The following MMP16 variants were observed in gnomAD, a reference collection of about 807,000 sequenced individuals.
MMP16 encodes the protein matrix metallopeptidase 16.
In MMP16, 12 loss-of-function variants were observed where a neutral mutation model predicts 67.8. That is an observed-to-expected ratio of 0.18 (90% CI 0.11 to 0.29). MMP16 has a LOEUF of 0.29. Among genes scored for constraint, MMP16 ranks in the 10% least tolerant of loss-of-function variants. The probability of loss-of-function intolerance (pLI) is 1.00; values close to 1 mark genes in which losing one functional copy is unlikely to be tolerated. For synonymous variants in MMP16, 249 were observed against 255.9 expected (o/e 0.97, Z 0.26); for missense variants, 475 against 765.7 (o/e 0.62, Z 4.48).
At chr8:88,049,153 A>G (rs1373998203) in intron 8 of MMP16, among the ~76,000 whole-genome samples, 1 of 152,224 alleles carries the variant, frequency 6.6e-6, no homozygotes, top group Non-Finnish European at 1.5e-5. Context: ...TCTGACGAAC[A>G]GATCAGAAAT....
At chr8:88,279,757 AG>A (rs1810703381) in intron 1 of MMP16, among the ~76,000 whole-genome samples, 1 of 152,176 alleles carries the variant, frequency 6.6e-6, no homozygotes, top group African/African-American at 2.4e-5. Flanking sequence ...TTAGTATTAG[AG>A]GACATTCAAC....
chr8:88,128,276 CTT>C (rs1441596491), intron 4 of MMP16, among the ~76,000 whole-genome samples: 1 of 151,732 alleles, frequency 6.6e-6, no homozygotes, highest in Non-Finnish European at 1.5e-5. Context: ...ACACCAGAAA[CTT>C]TTTTTATTTT....
At chr8:88,276,170 C>T (rs1251619756) in intron 1 of MMP16, among the ~76,000 whole-genome samples, 2 of 151,902 alleles carry the variant, frequency 1.3e-5, no homozygotes, top group Non-Finnish European at 2.9e-5. Context: ...GAAAATGAAG[C>T]CATGATGAGT....
chr8:88,205,783 C>T (rs932331438), intron 1 of MMP16, among the ~76,000 whole-genome samples: 13 of 152,148 alleles, frequency 8.5e-5, no homozygotes, highest in Non-Finnish European at 1.8e-4. Context: ...ACAATCTATG[C>T]ACCTATGACA....
chr8:88,107,541 T>C (rs180772563), intron 6 of MMP16, among the ~76,000 whole-genome samples: 123 of 151,276 alleles, frequency 8.1e-4, no homozygotes, highest in African/African-American at 2.9e-3. Flanking sequence ...AGTAGTGGAA[T>C]CAGACTGAAT....
At chr8:88,084,892 C>T (rs1299205870) in intron 6 of MMP16, among the ~76,000 whole-genome samples, 1 of 151,678 alleles carries the variant, frequency 6.6e-6, no homozygotes, top group Non-Finnish European at 1.5e-5. Context: ...TTTATTAAAC[C>T]TCCATTGACT....
At chr8:88,183,715 T>TTTA (rs1809020803) in intron 3 of MMP16, among the ~76,000 whole-genome samples, 1 of 133,950 alleles carries the variant, frequency 7.5e-6, no homozygotes, top group Admixed American at 7.4e-5. Flanking sequence ...TGTCCTTCTT[T>TTTA]TTTTTTTTTT....
chr8:88,228,288 G>A (rs1023788317), intron 1 of MMP16, among the ~76,000 whole-genome samples: 1 of 151,976 alleles, frequency 6.6e-6, no homozygotes, highest in Non-Finnish European at 1.5e-5. Flanking sequence ...AATAATATGA[G>A]AATTGAAACA....
At chr8:88,183,041 G>C (rs1001771012) in intron 3 of MMP16, among the ~76,000 whole-genome samples, 1 of 152,000 alleles carries the variant, frequency 6.6e-6, no homozygotes, top group Admixed American at 6.5e-5. Flanking sequence ...ATCCAGTGCT[G>C]GCCAGGGCTT....
At chr8:88,114,827 T>C (rs1424148060) in intron 6 of MMP16, among the ~76,000 whole-genome samples, 1 of 152,020 alleles carries the variant, frequency 6.6e-6, no homozygotes. Flanking sequence ...CTTAGTTATA[T>C]TTTTTATATA....
chr8:88,173,209 G>A (rs544838531), intron 3 of MMP16, among the ~76,000 whole-genome samples: 14 of 152,026 alleles, frequency 9.2e-5, no homozygotes, highest in East Asian at 5.8e-4. Flanking sequence ...GCACCACCAC[G>A]CCTGGCTAAT....
intron 4 of MMP16, among the ~76,000 whole-genome samples, chr8:88,159,815 T>C (rs886308696): frequency 9.2e-5 from 14 of 152,122 alleles, no homozygotes; most frequent in African/African-American, 3.4e-4. Context: ...CATCAATACC[T>C]AATTTTTTGA....
At chr8:88,156,341 C>G (rs1808508310) in intron 4 of MMP16, among the ~76,000 whole-genome samples, 1 of 151,922 alleles carries the variant, frequency 6.6e-6, no homozygotes, top group East Asian at 1.9e-4. Context: ...CTTCCTTATG[C>G]CCACAGTCTT....
intron 1 of MMP16, among the ~76,000 whole-genome samples, chr8:88,246,670 AT>A: frequency 6.6e-6 from 1 of 152,252 alleles, no homozygotes; most frequent in African/African-American, 2.4e-5. Flanking sequence ...TACTCCAGAC[AT>A]TTTTTTAAGT....
chr8:88,036,710 T>C lies in MMP16; in HGVS notation c.*4751A>G, dbSNP rs1009919138. ...TGACACATTTTGTGATATTACATATTGGCTGAGATTGCTGTAATAGGTCAT... is the reference window on the plus strand; with the variant it reads ...TGACACATTTTGTGATATTACATATCGGCTGAGATTGCTGTAATAGGTCAT... On this transcript the variant is annotated 3_prime_UTR_variant, in exon 10 of 10. Transcript: ENST00000286614. 1 of 151,818 alleles carries C rather than the reference T, an allele frequency of 6.6e-6. No homozygotes were observed. The highest frequency in any genetic ancestry group is 2.4e-5 in the African/African-American group (1 of 41,406). 9.4% of individuals were successfully genotyped at this position (151,818 alleles called of 1,614,324 possible).
chr8:88,098,878 A>T (rs1397484371), intron 6 of MMP16, among the ~76,000 whole-genome samples: 1 of 151,932 alleles, frequency 6.6e-6, no homozygotes, highest in South Asian at 2.1e-4. Context: ...ATATGTTGAT[A>T]AAACTATATG....
chr8:88,062,972 C>T (rs1808419679), intron 7 of MMP16, among the ~76,000 whole-genome samples: 1 of 152,024 alleles, frequency 6.6e-6, no homozygotes, highest in African/African-American at 2.4e-5. Context: ...GAAAATATTG[C>T]CTTTTTGGCA....
intron 3 of MMP16, among the ~76,000 whole-genome samples, chr8:88,173,804 C>A (rs1285627428): frequency 2.0e-5 from 3 of 152,152 alleles, no homozygotes; most frequent in African/African-American, 7.2e-5. Context: ...AATATGGAGT[C>A]CCTCCAGGAA....
intron 1 of MMP16, among the ~76,000 whole-genome samples, chr8:88,320,824 T>TA (rs1811448562): frequency 6.6e-6 from 1 of 152,112 alleles, no homozygotes; most frequent in African/African-American, 2.4e-5. Context: ...GGGCTACACT[T>TA]ACTCTCTCGG....
Sources: allele counts gnomAD v4.1 joint callset (sites outside exome capture counted in the v4.1 genomes callset), GRCh38; gene constraint gnomAD v4.1.1; transcripts MANE v1.5; gene names NCBI Gene and HGNC (gene_info 2026-07-23, HGNC 2026-07-21).